The following NPEPL1 variants were observed in gnomAD, a reference collection of about 807,000 sequenced individuals.
NPEPL1 encodes the protein aminopeptidase like 1.
In NPEPL1, 45 loss-of-function variants were observed where a neutral mutation model predicts 52.4. The observed-to-expected ratio is 0.86, with a 90% CI of 0.68 to 1.10. The LOEUF is 1.10. Ranked by LOEUF, NPEPL1 falls within the 50% of genes least tolerant of loss-of-function variation. The pLI is 0.00. For missense variants in NPEPL1, 696 were observed against 710.9 expected, an observed-to-expected ratio of 0.98 and a Z score of 0.24; for synonymous variants, 360 against 314.7, an observed-to-expected ratio of 1.14 and a Z score of -1.52.
At chr20:58,704,275 CCA>C (rs2084695122) in intron 6 of NPEPL1, 1 of 972,612 alleles carries the variant, frequency 1.0e-6, no homozygotes, top group Non-Finnish European at 1.2e-6. Flanking sequence ...AGCCCAGCTC[CCA>C]GTTTTGCAAG....
At chr20:58,700,880 A>T in intron 5 of NPEPL1, 136 bp from the exon 6 acceptor site, 1 of 809,566 alleles carries the variant, frequency 1.2e-6, no homozygotes, top group Non-Finnish European at 1.8e-6. Context: ...GGGCAGGAGA[A>T]GGGGCAGGGA....
chr20:58,697,381 C>T (rs897880105), intron 3 of NPEPL1, among the ~76,000 whole-genome samples: 1 of 152,244 alleles, frequency 6.6e-6, no homozygotes, highest in African/African-American at 2.4e-5. Context: ...TCAGACAGTC[C>T]TTGTCGAGTC....
At chr20:58,693,650 G>A (rs1196374081) in intron 1 of NPEPL1, 87 bp from the exon 2 acceptor site, 3 of 1,217,984 alleles carry the variant, frequency 2.5e-6, no homozygotes, top group East Asian at 2.4e-5. Context: ...CTGCAGGAGT[G>A]GTTGTGGCCG....
intron 3 of NPEPL1, among the ~76,000 whole-genome samples, chr20:58,696,348 C>G (rs1434081902): frequency 6.6e-6 from 1 of 152,226 alleles, no homozygotes; most frequent in African/African-American, 2.4e-5. Flanking sequence ...TAGCACCACC[C>G]TCCCATTTGT....
In NPEPL1 at chr20:58,714,570, A is replaced by T; in HGVS notation, c.1313A>T (p.Asn438Ile). ...DMKNSVADRD[N>I]SPSSCAGLFI... is the part of the protein sequence containing the mutation. ...TCCTGGCCTCCCTAGGACCGAGACA[A>T]CAGCCCCAGCTCCTGTGCTGGCCTC... is the stretch of plus-strand genomic sequence containing the variant. The change falls in exon 11 of 12, where the codon AAC (asparagine) becomes ATC (isoleucine). Residue 438 changes from asparagine (N) to isoleucine (I), a missense_variant. Physicochemically the swap from Asn to Ile is moderately radical, Grantham distance 149. Coordinates refer to ENST00000356091, the MANE Select transcript of NPEPL1 (RefSeq NM_024663.4). 6.3e-7 allele frequency: 1 copy of T among 1,583,990 alleles called. No homozygotes were observed. The highest frequency in any genetic ancestry group is 2.3e-5 in the East Asian group (1 of 43,494).
intron 3 of NPEPL1, among the ~76,000 whole-genome samples, chr20:58,697,249 A>T (rs957026323): frequency 6.6e-6 from 1 of 152,206 alleles, no homozygotes; most frequent in Non-Finnish European, 1.5e-5. Context: ...GGGCACCCGC[A>T]GCCCTGCCCT....
Position 58,715,684 on chromosome 20 carries a change from T to C in NPEPL1, c.*358T>C. ...ACCTGCGTGGCTGACAGCCAGGCTCTTACTCCAGCCGGGGCTGCCAGCGCA... is the reference window on the plus strand; with the variant it reads ...ACCTGCGTGGCTGACAGCCAGGCTCCTACTCCAGCCGGGGCTGCCAGCGCA... On this transcript the variant is annotated 3_prime_UTR_variant, in exon 12 of 12. Coordinates refer to ENST00000356091, the MANE Select transcript of NPEPL1 (RefSeq NM_024663.4). 1 of 182,238 alleles carries C rather than the reference T, an allele frequency of 5.5e-6. No individual in the cohort carries two copies. The highest frequency in any genetic ancestry group is 1.3e-4 in the South Asian group (1 of 7,476). 11.3% of individuals were successfully genotyped at this position (182,238 alleles called of 1,614,324 possible). A position where few individuals can be genotyped will look rare whatever the true frequency, so the allele number is the denominator to read the frequency against.
Position 58,713,326 on chromosome 20 carries a change from G to T in NPEPL1, c.1002-94G>T, listed in dbSNP as rs2084892300. On this transcript the variant is annotated intron_variant, in intron 8 of 11. Transcript: ENST00000356091. The surrounding 1 kb of genome is among the most constrained non-coding windows in gnomAD (Gnocchi z 4.6). Reference sequence around the variant, plus strand: ...GGGGTTCGGGGAGCCACAGGGATGGGCAGCTCCAAATGGGGTCTCCCCAGT... The same window carrying T: ...GGGGTTCGGGGAGCCACAGGGATGGTCAGCTCCAAATGGGGTCTCCCCAGT... 6.9e-7 allele frequency: 1 copy of T among 1,451,216 alleles called. No individual in the cohort carries two copies. Among genetic ancestry groups the T allele is most frequent in the Non-Finnish European group, 9.2e-7 (1 of 1,086,538 alleles). 89.9% of individuals were successfully genotyped at this position (1,451,216 alleles called of 1,614,324 possible). A position where few individuals can be genotyped will look rare whatever the true frequency, so the allele number is the denominator to read the frequency against.
At chr20:58,689,991 T>A (rs2084320815), upstream of NPEPL1, among the ~76,000 whole-genome samples, 1 of 152,206 alleles carries the variant, frequency 6.6e-6, no homozygotes, top group Non-Finnish European at 1.5e-5. Context: ...TCGGATATAA[T>A]GGAATCTGAG....
intron 11 of NPEPL1, 43 bp downstream of exon 11, chr20:58,714,713 G>A (rs1160648366): frequency 1.6e-5 from 23 of 1,466,438 alleles, no homozygotes; most frequent in Admixed American, 4.0e-5. Context: ...GCTCCCGCCC[G>A]CTTGTCCAAA....
rs562046877 is a variant in NPEPL1, at chr20:58,712,426, C to G, written c.901-53C>G. ...TGAGAACCCCCAGCTCGTCCTCCCC[C>G]CTCCCCAAACCTATGACCTACAACT... On this transcript the variant is annotated intron_variant, in intron 7 of 11. Transcript: ENST00000356091. 8.5e-5 allele frequency: 106 copies of G among 1,240,980 alleles called. No homozygotes were observed. In the African/African-American group the frequency reaches 1.1e-3, roughly 12 times the overall value. The allele number at this position is 1,240,980 out of a possible 1,614,324, so 76.9% of individuals were successfully genotyped here.
At chr20:58,699,509 A>T (rs1454143107) in intron 5 of NPEPL1, among the ~76,000 whole-genome samples, 1 of 152,180 alleles carries the variant, frequency 6.6e-6, no homozygotes, top group Non-Finnish European at 1.5e-5. Context: ...AAGCTGCTAG[A>T]TCCAAGTCCT....
At chr20:58,714,190 G>T in intron 10 of NPEPL1, 97 bp downstream of exon 10, 1 of 1,408,928 alleles carries the variant, frequency 7.1e-7, no homozygotes, top group Non-Finnish European at 9.4e-7. Context: ...GGGAGCTGGG[G>T]CCCCCCAGAA....
Position 58,693,809 on chromosome 20 carries a change from A to T in NPEPL1, c.223A>T (p.Thr75Ser). 1.2e-6 allele frequency: 2 copies of T among 1,613,598 alleles called. No homozygotes were observed. The highest frequency in any genetic ancestry group is 1.7e-6 in the Non-Finnish European group (2 of 1,179,744). The change falls in exon 2 of 12, where the codon ACC becomes TCC. Residue 75 changes from threonine to serine, a missense_variant. Thr to Ser is a moderately conservative substitution (Grantham distance 58). Transcript: ENST00000356091. The part of the protein sequence containing the change: ...DSCPLYLNYA[T>S]VAALPCRVSR... ...CTGTCCCCTCTACCTGAACTACGCC[A>T]CCGTGGCTGCCCTGCCCTGCAGGGT...
chr20:58,695,137 TGTGTGTGTGTGGTGTGC>T (rs2084450705), intron 3 of NPEPL1, among the ~76,000 whole-genome samples: 1 of 50,202 alleles, frequency 2.0e-5, no homozygotes, highest in African/African-American at 7.7e-5. Context: ...GCATGAGTGG[TGTGTGTGTGTGGTGTGC>T]ATGTGTGGTG....
chr20:58,695,014 T>G (rs2084435999), intron 3 of NPEPL1, among the ~76,000 whole-genome samples: 1 of 440 alleles, frequency 2.3e-3, no homozygotes, highest in South Asian at 0.062. Context: ...GCATGTGTGA[T>G]GTGTGTGTGT....
rs1206941203 is a variant in NPEPL1, at chr20:58,709,934, T to C, written c.901-2545T>C. ...GGTCCCGAGAGGTGATGGTCCTGTG[T>C]TGGTGATTACTACCCCCTGCTGCCC... On this transcript the variant is annotated intron_variant, in intron 7 of 11. Transcript: ENST00000356091. 3.3e-5 allele frequency among the ~76,000 whole-genome samples: 5 copies of C among 152,038 alleles called. No individual in the cohort carries two copies. The East Asian group carries it at 9.6e-4, about 29-fold the overall frequency.
At chr20:58,692,724 G>A (rs1166020084), upstream of NPEPL1, 1 of 756,184 alleles carries the variant, frequency 1.3e-6, no homozygotes, top group Non-Finnish European at 1.6e-6. The surrounding 1 kb of genome is among the most constrained non-coding windows in gnomAD (Gnocchi z 5.7). Flanking sequence ...GCGCCCCCTC[G>A]CGCCCCGGGC....
At chr20:58,706,908 C>T (rs2084744854) in intron 6 of NPEPL1, among the ~76,000 whole-genome samples, 1 of 152,188 alleles carries the variant, frequency 6.6e-6, no homozygotes, top group Admixed American at 6.5e-5. Flanking sequence ...CATCTATGGC[C>T]ATGACTCCCT....
Sources: gnomAD v4.1 joint callset for allele counts (sites outside exome capture counted in the v4.1 genomes callset) on GRCh38, gnomAD v4.1.1 for gene constraint, Gnocchi (gnomAD v3.1) non-coding constraint, MANE v1.5 for transcripts, NCBI Gene and HGNC (gene_info 2026-07-23, HGNC 2026-07-21) for gene names.